Variants in IL34 observed in about 807,000 individuals in gnomAD.
The protein encoded by IL34 is interleukin-34.
IL34 carries 17 observed loss-of-function variants against 25.3 expected under a neutral mutation model. The observed-to-expected ratio is 0.67, with a 90% CI of 0.46 to 1.01. The LOEUF is 1.01. Ranked by LOEUF, IL34 falls within the 50% of genes least tolerant of loss-of-function variation. The pLI, the probability that IL34 is intolerant of heterozygous loss-of-function variation, is 0.00. For synonymous variants in IL34, 174 were observed against 140.9 expected, an observed-to-expected ratio of 1.23 and a Z score of -1.66; for missense variants, 368 against 312.9, an observed-to-expected ratio of 1.18 and a Z score of -1.33.
intron 1 of IL34, among the ~76,000 whole-genome samples, chr16:70,624,909 G>T (rs1328172941): frequency 6.6e-6 from 1 of 151,948 alleles, no homozygotes; most frequent in East Asian, 1.9e-4. Context: ...GGACTGAGGG[G>T]ACAGGCGGGA....
At chr16:70,629,260 C>T (rs935389211) in intron 1 of IL34, among the ~76,000 whole-genome samples, 1 of 152,156 alleles carries the variant, frequency 6.6e-6, no homozygotes, top group Admixed American at 6.5e-5. Context: ...ACTTGTATTG[C>T]TTCTTTCTTT....
At chr16:70,632,578 C>T (rs1159087931) in intron 1 of IL34, among the ~76,000 whole-genome samples, 2 of 152,152 alleles carry the variant, frequency 1.3e-5, no homozygotes, top group Non-Finnish European at 2.9e-5. Context: ...AGGGAGTGCT[C>T]TTATAAGCGG....
At chr16:70,635,521 G>A (rs1188016473) in intron 1 of IL34, among the ~76,000 whole-genome samples, 1 of 152,178 alleles carries the variant, frequency 6.6e-6, no homozygotes, top group Non-Finnish European at 1.5e-5. Flanking sequence ...CAGGTCAGAG[G>A]TTGGAGGTCA....
chr16:70,644,927 GAAGGAGGAAGAGGA>G (rs2051882161), upstream of IL34, among the ~76,000 whole-genome samples: 2 of 80,394 alleles, frequency 2.5e-5, no homozygotes, highest in African/African-American at 8.1e-5. Context: ...GAAGGAGGAG[GAAGGAGGAAGAGGA>G]GGAAGGAGGA....
At chr16:70,606,675 C>A (rs1012298097) in intron 1 of IL34, among the ~76,000 whole-genome samples, 1 of 151,998 alleles carries the variant, frequency 6.6e-6, no homozygotes, top group Admixed American at 6.6e-5. Context: ...GCAGCCTTAA[C>A]CTCCTGGGCT....
Position 70,659,842 on chromosome 16 carries a change from G to A in IL34, c.538+89G>A, listed in dbSNP as rs138494621. ...CAGCTGGCAGAGCTGGCGTCCTCCCGGGCATATCCTCTGCTCCCCGGGGCT... is the reference window on the plus strand; with the variant it reads ...CAGCTGGCAGAGCTGGCGTCCTCCCAGGCATATCCTCTGCTCCCCGGGGCT... On this transcript the variant is annotated intron_variant, in intron 5 of 5. Coordinates refer to ENST00000288098, the MANE Select transcript of IL34 (RefSeq NM_001393494.1). 7.0e-4 allele frequency: 1,064 copies of A among 1,514,816 alleles called. 1 individual carries two copies. The highest frequency in any genetic ancestry group is 1.1e-3 in the Admixed American group (53 of 49,052). 93.8% of individuals were successfully genotyped at this position (1,514,816 alleles called of 1,614,324 possible).
chr16:70,631,620 C>T (rs2051519905), intron 1 of IL34, among the ~76,000 whole-genome samples: 1 of 152,052 alleles, frequency 6.6e-6, no homozygotes, highest in South Asian at 2.1e-4. Context: ...ACTCACTTCC[C>T]TAGTTTTTCT....
intron 1 of IL34, among the ~76,000 whole-genome samples, chr16:70,590,077 G>C (rs2050735427): frequency 1.3e-5 from 2 of 152,210 alleles, no homozygotes; most frequent in South Asian, 4.1e-4. Flanking sequence ...TGGAGAGATG[G>C]ACAGACCCAC....
chr16:70,592,389 A>G (rs2151809205), intron 1 of IL34, among the ~76,000 whole-genome samples: 1 of 152,154 alleles, frequency 6.6e-6, no homozygotes, highest in African/African-American at 2.4e-5. Flanking sequence ...CTCTCTGCCC[A>G]TGAGAATCAG....
intron 1 of IL34, among the ~76,000 whole-genome samples, chr16:70,606,969 A>G (rs2051014973): frequency 6.6e-6 from 1 of 152,038 alleles, no homozygotes; most frequent in Admixed American, 6.6e-5. Context: ...ATGGACATTT[A>G]GGTTGTTTCC....
rs370570658 is a variant in IL34, at chr16:70,659,637, A to C, written c.422A>C (p.Lys141Thr). ...QGLTDVEVSPKVESVLSLLNA... is the reference protein window; with the variant it reads ...QGLTDVEVSPTVESVLSLLNA... ...TTCCAGGATGTGGAGGTCAGCCCCA[A>C]GGTGGAATCCGTGTTGTCCCTCTTG... The change falls in exon 5 of 6, where the codon AAG becomes ACG. Residue 141 changes from lysine (K) to threonine (T), a missense_variant. By Grantham distance (78) the Lys-to-Thr change is moderately conservative. Coordinates refer to ENST00000288098, the MANE Select transcript of IL34 (RefSeq NM_001393494.1). 6.8e-6 allele frequency: 11 copies of C among 1,610,646 alleles called. No homozygotes were observed. The highest frequency in any genetic ancestry group is 9.3e-6 in the Non-Finnish European group (11 of 1,177,802).
chr16:70,604,064 G>A (rs963095793), intron 1 of IL34, among the ~76,000 whole-genome samples: 2 of 152,194 alleles, frequency 1.3e-5, no homozygotes, highest in Admixed American at 6.5e-5. Flanking sequence ...TTCCAGTGAA[G>A]GAGAAATATG....
chr16:70,656,559 A>T, intron 2 of IL34, 43 bp from the exon 3 acceptor site: 3 of 904,976 alleles, frequency 3.3e-6, no homozygotes, highest in Non-Finnish European at 5.6e-6. Context: ...CCTGCTGGTC[A>T]TTTCTACTTC....
chr16:70,644,252 G>C (rs924628700), upstream of IL34, among the ~76,000 whole-genome samples: 2 of 152,090 alleles, frequency 1.3e-5, no homozygotes, highest in Admixed American at 6.6e-5. Context: ...TTTTCTATTG[G>C]TATTTGAAGT....
chr16:70,625,345 C>G (rs775668575), intron 1 of IL34, among the ~76,000 whole-genome samples: 53 of 151,300 alleles, frequency 3.5e-4, no homozygotes, highest in African/African-American at 1.0e-3. Context: ...GGGGTCGGGG[C>G]ATGGAAATAA....
intron 1 of IL34, among the ~76,000 whole-genome samples, chr16:70,594,854 C>A (rs2151811444): frequency 6.6e-6 from 1 of 151,996 alleles, no homozygotes; most frequent in Middle Eastern, 3.4e-3. Context: ...GGGAGGCTGC[C>A]AGTCTACTCT....
At chr16:70,592,665 C>G (rs4985536) in intron 1 of IL34, among the ~76,000 whole-genome samples, 2 of 151,772 alleles carry the variant, frequency 1.3e-5, no homozygotes, top group African/African-American at 4.8e-5. Context: ...TTTTCTTTTT[C>G]TTTTTTTGAG....
At chr16:70,629,947 TATTC>T (rs1476863378) in intron 1 of IL34, among the ~76,000 whole-genome samples, 2 of 151,260 alleles carry the variant, frequency 1.3e-5, no homozygotes, top group African/African-American at 4.9e-5. Context: ...TACTAGCTCT[TATTC>T]ATTCTGTCTA....
At chr16:70,616,330 G>A (rs369844319) in intron 1 of IL34, among the ~76,000 whole-genome samples, 5 of 152,232 alleles carry the variant, frequency 3.3e-5, no homozygotes, top group East Asian at 1.9e-4. Flanking sequence ...TAGTTTGCCC[G>A]CATCATTGCC....
Sources: allele counts gnomAD v4.1 joint callset (sites outside exome capture counted in the v4.1 genomes callset), GRCh38; gene constraint gnomAD v4.1.1; transcripts MANE v1.5; gene names NCBI Gene and HGNC (gene_info 2026-07-23, HGNC 2026-07-21).